The following PKN2 variants were observed in gnomAD, a reference collection of about 807,000 sequenced individuals.
The protein encoded by PKN2 is serine/threonine-protein kinase N2.
PKN2 carries 38 observed loss-of-function variants against 119.1 expected under a neutral mutation model. The ratio of observed to expected loss-of-function variants is 0.32; its 90% CI spans 0.25 to 0.42. The LOEUF is 0.42. PKN2 is among the 10% of genes least tolerant of loss of function. The probability of loss-of-function intolerance (pLI) is 1.00; values close to 1 mark genes in which losing one functional copy is unlikely to be tolerated. For synonymous variants in PKN2, 390 were observed against 384.9 expected, an observed-to-expected ratio of 1.01 and a Z score of -0.15; for missense variants, 850 against 1,165.1, an observed-to-expected ratio of 0.73 and a Z score of 3.94.
intron 1 of PKN2, among the ~76,000 whole-genome samples, chr1:88,691,629 C>T (rs769730002): frequency 3.3e-5 from 5 of 152,118 alleles, no homozygotes; most frequent in East Asian, 3.9e-4. Context: ...CTTTAACCTA[C>T]GTATAGTTTT....
intron 1 of PKN2, among the ~76,000 whole-genome samples, chr1:88,727,215 T>C (rs954447550): frequency 8.5e-5 from 13 of 152,068 alleles, no homozygotes; most frequent in African/African-American, 3.1e-4. Context: ...GTCTGCTTTT[T>C]CCTGGTATTA....
chr1:88,781,799 C>G (rs764127884), intron 6 of PKN2, among the ~76,000 whole-genome samples: 1 of 152,084 alleles, frequency 6.6e-6, no homozygotes, highest in African/African-American at 2.4e-5. Context: ...TACAGTTGAG[C>G]ATTTACAGTG....
At chr1:88,736,514 C>T (rs1668356898) in intron 1 of PKN2, among the ~76,000 whole-genome samples, 7 of 152,094 alleles carry the variant, frequency 4.6e-5, no homozygotes, top group Admixed American at 4.6e-4. Flanking sequence ...CAGGCATGTA[C>T]TTCCACTCCT....
intron 1 of PKN2, among the ~76,000 whole-genome samples, chr1:88,716,221 T>C (rs1409621181): frequency 6.6e-6 from 1 of 152,212 alleles, no homozygotes; most frequent in African/African-American, 2.4e-5. Flanking sequence ...AACTATGTGG[T>C]CAATTTTGGA....
At chr1:88,781,065 A>G in intron 6 of PKN2, 3 of 1,131,940 alleles carry the variant, frequency 2.7e-6, no homozygotes, top group African/African-American at 1.7e-5. Flanking sequence ...TTAAGCTCCT[A>G]CTGGACCATA....
At chr1:88,764,821 T>A (rs1392964060) in intron 3 of PKN2, among the ~76,000 whole-genome samples, 2 of 152,168 alleles carry the variant, frequency 1.3e-5, no homozygotes, top group Non-Finnish European at 2.9e-5. Flanking sequence ...GCAGCATCAT[T>A]GGTTGTGTTT....
intron 1 of PKN2, among the ~76,000 whole-genome samples, chr1:88,703,841 A>G (rs903947399): frequency 6.6e-6 from 1 of 152,138 alleles, no homozygotes; most frequent in Non-Finnish European, 1.5e-5. Context: ...TAAGTAGAGG[A>G]ATTGATTCTA....
chr1:88,816,481 A>G (rs1195552721), intron 16 of PKN2, among the ~76,000 whole-genome samples: 1 of 152,132 alleles, frequency 6.6e-6, no homozygotes, highest in African/African-American at 2.4e-5. Context: ...TCCTGACCTC[A>G]GGTGATCTGC....
At chr1:88,754,019 G>A (rs553968642) in intron 2 of PKN2, among the ~76,000 whole-genome samples, 107 of 147,168 alleles carry the variant, frequency 7.3e-4, no homozygotes, top group African/African-American at 2.8e-3. Context: ...CTGCTGTGAA[G>A]ACTGTCTTTG....
At chr1:88,753,023 A>C (rs1443366202) in intron 2 of PKN2, among the ~76,000 whole-genome samples, 4 of 151,922 alleles carry the variant, frequency 2.6e-5, no homozygotes, top group Non-Finnish European at 5.9e-5. Context: ...ATTGTTTTGG[A>C]AATTGATTCA....
intron 2 of PKN2, among the ~76,000 whole-genome samples, chr1:88,753,811 T>C: frequency 6.6e-6 from 1 of 152,074 alleles, no homozygotes; most frequent in East Asian, 1.9e-4. Flanking sequence ...CCGCCAGGCC[T>C]CATGTTCAAC....
At chr1:88,713,064 G>T (rs1667300262) in intron 1 of PKN2, among the ~76,000 whole-genome samples, 1 of 152,134 alleles carries the variant, frequency 6.6e-6, no homozygotes, top group Admixed American at 6.6e-5. Flanking sequence ...TCAGAATGAT[G>T]GTTTCCAGCT....
chr1:88,721,866 CTA>C (rs1028414839), intron 1 of PKN2, among the ~76,000 whole-genome samples: 29 of 152,170 alleles, frequency 1.9e-4, no homozygotes, highest in African/African-American at 1.9e-4. Context: ...TCCTACCACT[CTA>C]TGTGAGTGTG....
At chr1:88,761,612 TAA>T (rs368283566) in intron 3 of PKN2, among the ~76,000 whole-genome samples, 2,913 of 101,922 alleles carry the variant, frequency 0.029, 48 homozygotes, top group Middle Eastern at 0.04. Flanking sequence ...CCTGTCTCTT[TAA>T]AAAAAAAAAA....
chr1:88,777,228 A>G (rs1670144033), intron 6 of PKN2, among the ~76,000 whole-genome samples: 1 of 152,072 alleles, frequency 6.6e-6, no homozygotes, highest in African/African-American at 2.4e-5. Context: ...ATACTTTTCA[A>G]TTCCAGAATT....
Position 88,791,444 on chromosome 1 carries a change from A to G in PKN2, c.1281+5231A>G, listed in dbSNP as rs1177766015. 2.0e-5 allele frequency among the ~76,000 whole-genome samples: 3 copies of G among 151,800 alleles called. No homozygotes were observed. The East Asian group carries it at 5.8e-4, about 29-fold the overall frequency. On this transcript the variant is annotated intron_variant, in intron 8 of 21. Transcript: ENST00000370521. ...AACTCTGTCTCAAAAAAAAAAAAAA[A>G]GCTGTGTGTGTGGAGTTGCCCAGGT...
intron 2 of PKN2, among the ~76,000 whole-genome samples, chr1:88,743,333 A>G (rs901408130): frequency 1.3e-5 from 2 of 152,170 alleles, no homozygotes; most frequent in African/African-American, 4.8e-5. Flanking sequence ...TCATCACTTC[A>G]GTGCTTCTCG....
At chr1:88,691,491 T>A (rs1474216170) in intron 1 of PKN2, among the ~76,000 whole-genome samples, 1 of 152,232 alleles carries the variant, frequency 6.6e-6, no homozygotes, top group Non-Finnish European at 1.5e-5. Context: ...TTTATGCAAC[T>A]TTTGGATTTT....
Position 88,833,722 on chromosome 1 carries a change from G to T in PKN2, c.*274G>T. On this transcript the variant is annotated 3_prime_UTR_variant, in exon 22 of 22. Coordinates refer to ENST00000370521, the MANE Select transcript of PKN2 (RefSeq NM_006256.4). ...ATGAAAATCCATCACGAATACTTTTGGATCAATAGTCTATTTTTAAAAAGA... is the reference window on the plus strand; with the variant it reads ...ATGAAAATCCATCACGAATACTTTTTGATCAATAGTCTATTTTTAAAAAGA... 6 of 338,658 alleles carry T rather than the reference G, an allele frequency of 1.8e-5. No homozygotes were observed. In the South Asian group the frequency reaches 3.2e-4, roughly 18 times the overall value. 21.0% of individuals were successfully genotyped at this position (338,658 alleles called of 1,614,324 possible).
Sources: allele counts gnomAD v4.1 joint callset (sites outside exome capture counted in the v4.1 genomes callset), GRCh38; gene constraint gnomAD v4.1.1; transcripts MANE v1.5; gene names NCBI Gene and HGNC (gene_info 2026-07-23, HGNC 2026-07-21).